Variants in CDK17 observed in about 807,000 individuals in gnomAD.
The protein encoded by CDK17 is cyclin dependent kinase 17.
In CDK17, 24 loss-of-function variants were observed where a neutral mutation model predicts 77.6. The ratio of observed to expected loss-of-function variants is 0.31; its 90% confidence interval spans 0.22 to 0.44. The LOEUF is 0.44. CDK17 is among the 20% of genes least tolerant of loss of function. The probability of loss-of-function intolerance (pLI) is 1.00; values close to 1 mark genes in which losing one functional copy is unlikely to be tolerated. For synonymous variants in CDK17, 203 were observed against 210.4 expected, an observed-to-expected ratio of 0.96 and a Z score of 0.30; for missense variants, 429 against 622.5, an observed-to-expected ratio of 0.69 and a Z score of 3.31.
intron 5 of CDK17, among the ~76,000 whole-genome samples, chr12:96,306,504 T>TA (rs909077339): frequency 6.6e-6 from 1 of 152,014 alleles, no homozygotes. Flanking sequence ...CATTTTACCT[T>TA]AAAAAATATT....
At chr12:96,387,801 G>T (rs1287374468) in intron 1 of CDK17, among the ~76,000 whole-genome samples, 1 of 151,580 alleles carries the variant, frequency 6.6e-6, no homozygotes, top group East Asian at 2.0e-4. Context: ...AAATCAGCCG[G>T]GCATGGTGGT....
Position 96,294,948 on chromosome 12 carries a change from A to G in CDK17, c.997+51T>C, listed in dbSNP as rs764574180. On this transcript the variant is annotated intron_variant, in intron 10 of 16. Transcript: ENST00000261211. ...TATGACAGTGGTTGATCTTTTAACC[A>G]TTACACTTTAGAACCTGGAAGTACT... The G allele has an allele frequency of 7.3e-6, 11 of 1,505,488 alleles. No homozygotes were observed. In the East Asian group the frequency reaches 1.8e-4, roughly 25 times the overall value. 93.3% of individuals were successfully genotyped at this position (1,505,488 alleles called of 1,614,324 possible). A position where few individuals can be genotyped will look rare whatever the true frequency, so the allele number is the denominator to read the frequency against.
At chr12:96,289,386 G>A in intron 10 of CDK17, 99 bp from the exon 11 acceptor site, 1 of 1,341,478 alleles carries the variant, frequency 7.5e-7, no homozygotes, top group South Asian at 1.2e-5. Flanking sequence ...TGCCTGAAAT[G>A]GTTAATTCGT....
intron 3 of CDK17, among the ~76,000 whole-genome samples, chr12:96,316,003 G>A (rs12369449): frequency 7.2e-5 from 11 of 152,238 alleles, no homozygotes; most frequent in Middle Eastern, 3.4e-3. Flanking sequence ...CAGCGTGAGC[G>A]ACGCAGAAGA....
intron 1 of CDK17, among the ~76,000 whole-genome samples, chr12:96,343,625 G>C (rs945082105): frequency 2.0e-5 from 3 of 152,190 alleles, no homozygotes; most frequent in Non-Finnish European, 4.4e-5. Flanking sequence ...ACTTACTACA[G>C]AGATAATGTA....
chr12:96,284,450 GACTCT>G (rs1198217754), intron 13 of CDK17: 1 of 120,164 alleles, frequency 8.3e-6, no homozygotes, highest in East Asian at 2.4e-4. Flanking sequence ...GGAAGAGCGA[GACTCT>G]GTCTCCCAAA....
chr12:96,372,212 T>C (rs1214929622), intron 1 of CDK17, among the ~76,000 whole-genome samples: 4 of 152,160 alleles, frequency 2.6e-5, no homozygotes, highest in African/African-American at 7.2e-5. Context: ...GTAGAAGACT[T>C]GGCAACATAT....
At chr12:96,365,270 AC>A (rs1953565401) in intron 1 of CDK17, among the ~76,000 whole-genome samples, 1 of 152,188 alleles carries the variant, frequency 6.6e-6, no homozygotes, top group African/African-American at 2.4e-5. Flanking sequence ...ATCACTATAT[AC>A]CTAGCTTTAT....
At chr12:96,378,408 G>A (rs1170746381) in intron 1 of CDK17, among the ~76,000 whole-genome samples, 1 of 152,148 alleles carries the variant, frequency 6.6e-6, no homozygotes, top group Non-Finnish European at 1.5e-5. Context: ...TGTTTGAATA[G>A]TTCCTTCCTT....
At chr12:96,280,383 T>C (rs926885962) in intron 16 of CDK17, 104 bp from the exon 17 acceptor site, 13 of 1,507,234 alleles carry the variant, frequency 8.6e-6, no homozygotes, top group Admixed American at 2.2e-5. Context: ...CAAAAGCTAA[T>C]ATTCCATGGT....
At chr12:96,317,228 T>C (rs1307585169) in intron 3 of CDK17, among the ~76,000 whole-genome samples, 1 of 149,360 alleles carries the variant, frequency 6.7e-6, no homozygotes, top group Non-Finnish European at 1.5e-5. Flanking sequence ...TGAAATGAAG[T>C]GAGAAGGGAA....
chr12:96,349,304 T>G (rs1199052484), intron 1 of CDK17, among the ~76,000 whole-genome samples: 1 of 151,928 alleles, frequency 6.6e-6, no homozygotes, highest in Non-Finnish European at 1.5e-5. Context: ...AAATACAAAA[T>G]TAGCCGGGCA....
chr12:96,376,483 T>G (rs1953784680), intron 1 of CDK17, among the ~76,000 whole-genome samples: 1 of 152,206 alleles, frequency 6.6e-6, no homozygotes, highest in African/African-American at 2.4e-5. Flanking sequence ...AGCAATATAC[T>G]CAACAGATAA....
At chr12:96,338,079 T>C (rs1953070897) in intron 1 of CDK17, among the ~76,000 whole-genome samples, 1 of 152,220 alleles carries the variant, frequency 6.6e-6, no homozygotes, top group Non-Finnish European at 1.5e-5. Flanking sequence ...TTTGATTTCT[T>C]AGGTGAGGAA....
chr12:96,384,287 C>T (rs767565973), intron 1 of CDK17, among the ~76,000 whole-genome samples: 1 of 152,164 alleles, frequency 6.6e-6, no homozygotes, highest in Non-Finnish European at 1.5e-5. Flanking sequence ...AAAGGGAAAG[C>T]TTACACATTG....
At chr12:96,363,359 G>A (rs1188231164) in intron 1 of CDK17, among the ~76,000 whole-genome samples, 1 of 151,052 alleles carries the variant, frequency 6.6e-6, no homozygotes, top group Admixed American at 6.6e-5. Flanking sequence ...GCTGAGGCAG[G>A]AGAATTGCTT....
intron 1 of CDK17, among the ~76,000 whole-genome samples, chr12:96,383,565 AACAGACAC>A (rs1438010351): frequency 1.3e-5 from 2 of 152,170 alleles, no homozygotes; most frequent in Non-Finnish European, 2.9e-5. Flanking sequence ...CTGATACAAA[AACAGACAC>A]ACAGACCAAT....
chr12:96,337,861 G>A (rs956199626), intron 1 of CDK17, among the ~76,000 whole-genome samples: 1 of 152,134 alleles, frequency 6.6e-6, no homozygotes, highest in Non-Finnish European at 1.5e-5. Context: ...GAGGCTTGGG[G>A]TACTCTAACT....
At chr12:96,385,576 G>A (rs1953959244) in intron 1 of CDK17, among the ~76,000 whole-genome samples, 1 of 151,916 alleles carries the variant, frequency 6.6e-6, no homozygotes, top group South Asian at 2.1e-4. Context: ...CAAACAACAT[G>A]AAATGGTTAA....
Sources: gnomAD v4.1 joint callset for allele counts (sites outside exome capture counted in the v4.1 genomes callset) on GRCh38, gnomAD v4.1.1 for gene constraint, MANE v1.5 for transcripts, NCBI Gene and HGNC (gene_info 2026-07-23, HGNC 2026-07-21) for gene names.